Variants in RYR3 observed in about 807,000 individuals in gnomAD.
RYR3 encodes the protein ryanodine receptor 3.
RYR3 carries 207 observed loss-of-function variants against 584.3 expected under a neutral mutation model. The ratio of observed to expected loss-of-function variants is 0.35; its 90% CI spans 0.32 to 0.40. RYR3 has a LOEUF of 0.40. Among genes scored for constraint, RYR3 ranks in the 10% least tolerant of loss-of-function variants. The pLI is 1.00. For synonymous variants in RYR3, 2,416 were observed against 2,248.5 expected, an observed-to-expected ratio of 1.07 and a Z score of -2.11; for missense variants, 5,616 against 6,089.2, an observed-to-expected ratio of 0.92 and a Z score of 2.59.
chr15:33,739,150 C>T (rs1391895655), intron 50 of RYR3, among the ~76,000 whole-genome samples: 1 of 152,214 alleles, frequency 6.6e-6, no homozygotes, highest in South Asian at 2.1e-4. Flanking sequence ...GACTTTGCTC[C>T]ACTTCCCCTA....
intron 87 of RYR3, among the ~76,000 whole-genome samples, chr15:33,835,367 C>G (rs2152976995): frequency 6.6e-6 from 1 of 152,288 alleles, no homozygotes; most frequent in Non-Finnish European, 1.5e-5. Context: ...CTTTCTGCTT[C>G]CTTGCCACCA....
chr15:33,644,153 T>C (rs1442155447), intron 27 of RYR3, among the ~76,000 whole-genome samples, 158 bp from the exon 28 acceptor site: 1 of 152,154 alleles, frequency 6.6e-6, no homozygotes, highest in Non-Finnish European at 1.5e-5. Flanking sequence ...CCTCCTGTTG[T>C]TGATTTTATG....
intron 32 of RYR3, 89 bp downstream of exon 32, chr15:33,652,972 C>T: frequency 7.4e-7 from 1 of 1,355,600 alleles, no homozygotes; most frequent in Non-Finnish European, 1.0e-6. Flanking sequence ...AGCATTCCTG[C>T]CACAGTGTGT....
intron 58 of RYR3, among the ~76,000 whole-genome samples, chr15:33,755,994 G>A (rs141681933): frequency 5.3e-5 from 8 of 152,088 alleles, no homozygotes; most frequent in African/African-American, 1.2e-4. Flanking sequence ...GGCTGGTGTC[G>A]AACTCCTGAC....
At chr15:33,339,410 A>C (rs1018423696) in intron 1 of RYR3, among the ~76,000 whole-genome samples, 1 of 152,254 alleles carries the variant, frequency 6.6e-6, no homozygotes, top group African/African-American at 2.4e-5. Context: ...AGTCCAGGCA[A>C]GAGATGACAG....
chr15:33,740,649 A>G (rs546646959), intron 51 of RYR3, among the ~76,000 whole-genome samples: 8 of 152,340 alleles, frequency 5.3e-5, no homozygotes, highest in Admixed American at 3.3e-4. Context: ...CCAGTTATGA[A>G]TATGCGCTGT....
chr15:33,692,197 T>G (rs1446895879), intron 38 of RYR3, among the ~76,000 whole-genome samples: 1 of 152,212 alleles, frequency 6.6e-6, no homozygotes, highest in East Asian at 1.9e-4. Flanking sequence ...GACTCTGGTA[T>G]GTTTTGGCTG....
At chr15:33,352,126 C>T (rs975631521) in intron 1 of RYR3, among the ~76,000 whole-genome samples, 1 of 152,156 alleles carries the variant, frequency 6.6e-6, no homozygotes, top group Non-Finnish European at 1.5e-5. Context: ...AGTGAAGTGA[C>T]TGTTCAGATC....
At position 33,503,627 on chromosome 15, in the gene RYR3, A is replaced by T; in HGVS notation, c.172-4A>T. ...GTATCCTCATTCTGATTTTATTTCCACAGTACATTCCTCCAGATCTCTGCG... is the reference window on the plus strand; with the variant it reads ...GTATCCTCATTCTGATTTTATTTCCTCAGTACATTCCTCCAGATCTCTGCG... On this transcript the variant is annotated splice_region_variant and splice_polypyrimidine_tract_variant and intron_variant, in intron 2 of 103. Coordinates refer to ENST00000634891, the MANE Select transcript of RYR3 (RefSeq NM_001036.6). 1 of 1,573,546 alleles carries T rather than the reference A, an allele frequency of 6.4e-7. No individual in the cohort carries two copies. Among genetic ancestry groups the T allele is most frequent in the Non-Finnish European group, 8.7e-7 (1 of 1,145,852 alleles).
chr15:33,793,506 A>T (rs962035785), intron 67 of RYR3, among the ~76,000 whole-genome samples: 1 of 152,056 alleles, frequency 6.6e-6, no homozygotes, highest in East Asian at 1.9e-4. Context: ...ATTAGCATAA[A>T]CCCAGGTATG....
Position 33,351,233 on chromosome 15 carries a change from AC to A in RYR3, c.51+40139del, listed in dbSNP as rs1973203551. The stretch of plus-strand genomic sequence containing the variant: ...AGGAAGAAGTTGAATCTCTGAATAG[AC>A]CAATAACAGGATCTGAAATTGTGGC... On this transcript the variant is annotated intron_variant, in intron 1 of 103. Coordinates refer to ENST00000634891, the MANE Select transcript of RYR3 (RefSeq NM_001036.6). Among the ~76,000 whole-genome samples the A allele has an allele frequency of 2.6e-5, 4 of 152,334 alleles. No individual in the cohort carries two copies. The South Asian group carries it at 8.3e-4, about 32-fold the overall frequency.
chr15:33,860,333 C>G (rs971822722), intron 100 of RYR3, among the ~76,000 whole-genome samples: 1 of 151,908 alleles, frequency 6.6e-6, no homozygotes, highest in Non-Finnish European at 1.5e-5. Flanking sequence ...AGGAGACCAA[C>G]CAGGGAGAAG....
chr15:33,524,400 T>C (rs1255407426), intron 3 of RYR3, among the ~76,000 whole-genome samples: 1 of 152,260 alleles, frequency 6.6e-6, no homozygotes, highest in Non-Finnish European at 1.5e-5. Flanking sequence ...AGAAGCCTCA[T>C]AATTTACTAG....
intron 2 of RYR3, among the ~76,000 whole-genome samples, chr15:33,483,443 T>C (rs1197916211): frequency 6.6e-6 from 1 of 152,212 alleles, no homozygotes; most frequent in Non-Finnish European, 1.5e-5. Context: ...CCCTGAGGAA[T>C]ATTGTATTTT....
chr15:33,448,863 T>G (rs1001792637), intron 1 of RYR3, among the ~76,000 whole-genome samples: 1 of 152,082 alleles, frequency 6.6e-6, no homozygotes, highest in Non-Finnish European at 1.5e-5. Context: ...TGCAGCTGAT[T>G]GGAAGTGGCT....
intron 12 of RYR3, among the ~76,000 whole-genome samples, chr15:33,579,616 A>T (rs1038284244): frequency 6.6e-6 from 1 of 152,216 alleles, no homozygotes; most frequent in South Asian, 2.1e-4. Context: ...CACAGTTGAA[A>T]TTACCTCTTT....
intron 19 of RYR3, among the ~76,000 whole-genome samples, chr15:33,620,317 C>T (rs1223979993): frequency 6.6e-6 from 1 of 152,112 alleles, no homozygotes; most frequent in African/African-American, 2.4e-5. Flanking sequence ...TATCGTTTGG[C>T]TTCCGAAAAG....
intron 38 of RYR3, among the ~76,000 whole-genome samples, chr15:33,686,335 G>A (rs1311465308): frequency 6.6e-6 from 1 of 152,134 alleles, no homozygotes; most frequent in African/African-American, 2.4e-5. Flanking sequence ...AGAAGAAATG[G>A]ATTACTTCCT....
chr15:33,667,635 C>A (rs1319319283), intron 36 of RYR3, among the ~76,000 whole-genome samples: 2 of 151,966 alleles, frequency 1.3e-5, no homozygotes, highest in Non-Finnish European at 2.9e-5. Context: ...AGTTTTGATA[C>A]CTGTATTACA....
Sources: allele counts gnomAD v4.1 joint callset (sites outside exome capture counted in the v4.1 genomes callset), GRCh38; gene constraint gnomAD v4.1.1; transcripts MANE v1.5; gene names NCBI Gene and HGNC (gene_info 2026-07-23, HGNC 2026-07-21).